Variants in ZNF736 observed in about 807,000 individuals in gnomAD.
ZNF736 encodes zinc finger protein 736.
A neutral mutation model predicts 11.7 loss-of-function variants in ZNF736; 6 were observed. That is an observed-to-expected ratio of 0.51 (90% confidence interval 0.28 to 1.01). The LOEUF (loss-of-function observed/expected upper bound fraction) is 1.01, where lower values mean the gene tolerates loss of function less well. ZNF736 is among the 50% of genes least tolerant of loss of function. The pLI, the probability that ZNF736 is intolerant of heterozygous loss-of-function variation, is 0.09. For missense variants in ZNF736, 444 were observed against 496.0 expected, an observed-to-expected ratio of 0.90 and a Z score of 1.00; for synonymous variants, 139 against 164.7, an observed-to-expected ratio of 0.84 and a Z score of 1.19.
rs1374851528 is a variant in ZNF736, at chr7:64,319,283, GTGTA to G, written c.3+5142_3+5145del. Among the ~76,000 whole-genome samples, 22 of 142,526 alleles carry G rather than the reference GTGTA, an allele frequency of 1.5e-4. No individual in the cohort carries two copies. The South Asian group carries it at 2.7e-3, about 17-fold the overall frequency. 93.5% of individuals were successfully genotyped at this position (142,526 alleles called of 152,430 possible). A position where few individuals can be genotyped will look rare whatever the true frequency, so the allele number is the denominator to read the frequency against. ...GTGTGTGTGTGTATATATAAAATAT[GTGTA>G]TGTATGTATGTGTGTGTGTGTATAT... On this transcript the variant is annotated intron_variant, in intron 1 of 3. Coordinates refer to ENST00000423484, the MANE Select transcript of ZNF736 (RefSeq NM_001170905.3).
intron 1 of ZNF736, among the ~76,000 whole-genome samples, chr7:64,327,775 A>G (rs78831243): frequency 1.5e-4 from 23 of 152,286 alleles, no homozygotes; most frequent in African/African-American, 4.3e-4. Flanking sequence ...TTTTAAACGG[A>G]TGGCAACTTA....
chr7:64,328,541 A>G (rs761772063), intron 1 of ZNF736, among the ~76,000 whole-genome samples: 2 of 152,144 alleles, frequency 1.3e-5, no homozygotes, highest in Non-Finnish European at 2.9e-5. Flanking sequence ...TGGGCGGATC[A>G]CAAGGTCAGG....
At chr7:64,340,615 C>T (rs1789323900) in intron 3 of ZNF736, among the ~76,000 whole-genome samples, 1 of 152,116 alleles carries the variant, frequency 6.6e-6, no homozygotes, top group South Asian at 2.1e-4. Context: ...CTATATCACC[C>T]AGGCTGGTCT....
intron 1 of ZNF736, among the ~76,000 whole-genome samples, chr7:64,316,279 A>G (rs1788916750): frequency 6.6e-6 from 1 of 152,230 alleles, no homozygotes; most frequent in African/African-American, 2.4e-5. Flanking sequence ...TCCTCTAAAA[A>G]GCTAACTGCT....
intron 1 of ZNF736, among the ~76,000 whole-genome samples, chr7:64,322,111 T>C (rs1789011655): frequency 6.6e-6 from 1 of 152,130 alleles, no homozygotes; most frequent in Non-Finnish European, 1.5e-5. Flanking sequence ...TTTTATGGTT[T>C]TTTTTTTCCA....
intron 3 of ZNF736, 112 bp downstream of exon 3, chr7:64,337,094 T>C: frequency 1.1e-6 from 1 of 896,142 alleles, no homozygotes. Context: ...AAATGGTTTC[T>C]GAGAAACCTT....
At chr7:64,337,490 C>G (rs1198497964) in intron 3 of ZNF736, 1 of 154,102 alleles carries the variant, frequency 6.5e-6, no homozygotes, top group Non-Finnish European at 1.4e-5. Context: ...ATGGAACCTT[C>G]AAACGTGATT....
intron 3 of ZNF736, 162 bp downstream of exon 3, chr7:64,337,144 C>G: frequency 1.5e-6 from 1 of 656,830 alleles, no homozygotes; most frequent in Non-Finnish European, 2.6e-6. Context: ...CATTTTTTGT[C>G]CCATTCTTGT....
intron 1 of ZNF736, among the ~76,000 whole-genome samples, chr7:64,327,314 T>A (rs920646924): frequency 6.6e-6 from 1 of 152,226 alleles, no homozygotes; most frequent in Non-Finnish European, 1.5e-5. Context: ...TCTTAAAGTC[T>A]GTTTTGTTTA....
At chr7:64,317,109 G>A (rs962873576) in intron 1 of ZNF736, among the ~76,000 whole-genome samples, 8 of 152,040 alleles carry the variant, frequency 5.3e-5, no homozygotes, top group African/African-American at 1.4e-4. Flanking sequence ...TTTCTACTTT[G>A]TAGGAAGTAT....
At chr7:64,320,948 A>G (rs966079241) in intron 1 of ZNF736, among the ~76,000 whole-genome samples, 4 of 152,226 alleles carry the variant, frequency 2.6e-5, no homozygotes, top group African/African-American at 9.6e-5. Context: ...ATGAAGCTCC[A>G]TAGGTATTAT....
chr7:64,342,757 AC>A (rs1293526700), intron 3 of ZNF736, among the ~76,000 whole-genome samples: 9 of 152,154 alleles, frequency 5.9e-5, no homozygotes, highest in Non-Finnish European at 8.8e-5. Flanking sequence ...TAATAGGCAC[AC>A]CATATATTAT....
At chr7:64,341,138 C>T (rs949670184) in intron 3 of ZNF736, among the ~76,000 whole-genome samples, 5 of 152,024 alleles carry the variant, frequency 3.3e-5, no homozygotes, top group African/African-American at 7.2e-5. Context: ...AATTTTTCAA[C>T]AATTATTTTT....
At chr7:64,340,305 G>A (rs1789319680) in intron 3 of ZNF736, among the ~76,000 whole-genome samples, 1 of 152,204 alleles carries the variant, frequency 6.6e-6, no homozygotes. Context: ...CAGACCTACT[G>A]CTGTAACCAC....
chr7:64,327,409 A>G (rs760667970), intron 1 of ZNF736, among the ~76,000 whole-genome samples: 1 of 151,888 alleles, frequency 6.6e-6, no homozygotes, highest in Non-Finnish European at 1.5e-5. Flanking sequence ...CTGTGTCTTC[A>G]TAGGTGAAGT....
At chr7:64,332,868 G>T (rs762987897) in intron 1 of ZNF736, among the ~76,000 whole-genome samples, 8 of 151,984 alleles carry the variant, frequency 5.3e-5, no homozygotes, top group African/African-American at 1.7e-4. Context: ...CTTTTTGCCC[G>T]ACCCCGCAGG....
intron 3 of ZNF736, among the ~76,000 whole-genome samples, chr7:64,337,766 T>TTTG (rs201948349): frequency 4.1e-5 from 6 of 147,092 alleles, no homozygotes; most frequent in Admixed American, 2.7e-4. Context: ...GTTTTTTTTT[T>TTTG]TTTTTGAGAC....
At position 64,356,367 on chromosome 7, in the gene ZNF736, T is replaced by A. The variant is rs1341912773; in HGVS notation, c.*7220T>A. On this transcript the variant is annotated 3_prime_UTR_variant, in exon 4 of 4. Transcript: ENST00000423484. ...ACATTCAGAATGTCACTTTCATAGA[T>A]ACTATGAATATCAATTGTCAAGTGT... is the stretch of plus-strand genomic sequence containing the variant. 6.6e-6 allele frequency among the ~76,000 whole-genome samples: 1 copy of A among 152,198 alleles called. No individual in the cohort carries two copies. Among genetic ancestry groups the A allele is most frequent in the Non-Finnish European group, 1.5e-5 (1 of 68,030 alleles).
Position 64,337,756 on chromosome 7 carries a change from G to GTTTT in ZNF736, c.226+786_226+789dup, listed in dbSNP as rs569147961. On this transcript the variant is annotated intron_variant, in intron 3 of 3. Transcript: ENST00000423484. ...GTTTTGTTTTGTTTTGTTTTTTTTG[G>GTTTT]TTTTTTTTTTTTTTTGAGACAGAGT... is the stretch of plus-strand genomic sequence containing the variant. 5.8e-3 allele frequency among the ~76,000 whole-genome samples: 652 copies of GTTTT among 112,184 alleles called. 11 individuals are homozygous for GTTTT. The highest frequency in any genetic ancestry group is 6.7e-3 in the South Asian group (28 of 4,186). The allele number at this position is 112,184 out of a possible 152,430, so 73.6% of individuals were successfully genotyped here.
Sources: gnomAD v4.1 joint callset for allele counts (sites outside exome capture counted in the v4.1 genomes callset) on GRCh38, gnomAD v4.1.1 for gene constraint, MANE v1.5 for transcripts, NCBI Gene and HGNC (gene_info 2026-07-23, HGNC 2026-07-21) for gene names.